Variants in ATG12 observed in about 807,000 individuals in gnomAD.
ATG12 encodes ubiquitin-like protein ATG12.
ATG12 carries 19 observed loss-of-function variants against 17.6 expected under a neutral mutation model. That is an observed-to-expected ratio of 1.08 (90% confidence interval 0.75 to 1.58). The LOEUF (loss-of-function observed/expected upper bound fraction) is 1.58, where lower values mean the gene tolerates loss of function less well. Among genes scored for constraint, ATG12 ranks in the 40% most tolerant of loss-of-function variants. The pLI is 0.00. For missense variants in ATG12, 214 were observed against 162.0 expected (o/e 1.32, Z -1.74); for synonymous variants, 75 against 62.4 (o/e 1.20, Z -0.95).
At chr5:115,841,283 G>T in intron 1 of ATG12, 107 bp downstream of exon 1, 2 of 1,444,572 alleles carry the variant, frequency 1.4e-6, no homozygotes, top group Admixed American at 2.1e-5. Flanking sequence ...TCAAAATGCA[G>T]GTCTAGGACA....
In ATG12 at chr5:115,830,502, G is replaced by A. The variant is rs531654169; in HGVS notation, c.*1302C>T. On this transcript the variant is annotated 3_prime_UTR_variant, in exon 4 of 4. Coordinates refer to ENST00000509910, the MANE Select transcript of ATG12 (RefSeq NM_004707.4). ...TCTACTACATACCATCTTAGATCCT[G>A]TTTTGAAATTCCATTCACATTACAT... 2.0e-5 allele frequency: 3 copies of A among 152,098 alleles called. No individual in the cohort carries two copies. Among genetic ancestry groups the A allele is most frequent in the African/African-American group, 7.2e-5 (3 of 41,472 alleles). The allele number at this position is 152,098 out of a possible 1,614,324, so 9.4% of individuals were successfully genotyped here. A position where few individuals can be genotyped will look rare whatever the true frequency, so the allele number is the denominator to read the frequency against.
intron 2 of ATG12, chr5:115,833,777 TATA>T (rs746242430): frequency 6.6e-6 from 1 of 152,182 alleles, no homozygotes; most frequent in Non-Finnish European, 1.5e-5. Context: ...CAATGTGCAT[TATA>T]ATGTGAATTT....
At chr5:115,835,429 T>C (rs1381046357) in intron 2 of ATG12, among the ~76,000 whole-genome samples, 1 of 152,214 alleles carries the variant, frequency 6.6e-6, no homozygotes, top group African/African-American at 2.4e-5. Flanking sequence ...TTGTTTTTTG[T>C]ATACTATTCA....
intron 1 of ATG12, chr5:115,839,584 A>G (rs1761243541): frequency 6.6e-6 from 1 of 152,200 alleles, no homozygotes; most frequent in Non-Finnish European, 1.5e-5. Flanking sequence ...AAATAATTTA[A>G]TTATAGCTGC....
Position 115,841,467 on chromosome 5 carries a change from GT to G in ATG12, c.85del (p.Thr29GlnfsTer31). On this transcript the variant is annotated frameshift_variant, in exon 1 of 4. Transcript: ENST00000509910. LOFTEE classifies it high-confidence loss of function. ...GEGLTDVSPE[T>X]TTPEPPSSAA... is the part of the protein sequence containing the mutation. ...GGAAGACGGGGGCTCCGGGGTGGTTGTTTCTGGGGAGACATCCGTAAGTCCT... is the reference window on the plus strand; with the variant it reads ...GGAAGACGGGGGCTCCGGGGTGGTTGTTCTGGGGAGACATCCGTAAGTCCT... The G allele has an allele frequency of 6.2e-7, 1 of 1,611,100 alleles. No homozygotes were observed. The highest frequency in any genetic ancestry group is 8.5e-7 in the Non-Finnish European group (1 of 1,179,254).
chr5:115,838,127 AGAT>A (rs1171395124), intron 1 of ATG12: 5 of 173,824 alleles, frequency 2.9e-5, no homozygotes, highest in South Asian at 1.4e-4. Context: ...TTACCAGTGT[AGAT>A]GATACTACTT....
intron 1 of ATG12, among the ~76,000 whole-genome samples, chr5:115,840,090 T>C (rs1761292682): frequency 6.6e-6 from 1 of 152,160 alleles, no homozygotes; most frequent in South Asian, 2.1e-4. Context: ...CTCTTGCCTA[T>C]AGTAAATTGG....
In ATG12 at chr5:115,829,182, T is replaced by C. The variant is rs1760761787; in HGVS notation, c.*2622A>G. ...CGTGGCCTGTAGCTGGCTTCCTTAGTGCCAAAAGTTTACTCAGCATATTAT... is the reference window on the plus strand; with the variant it reads ...CGTGGCCTGTAGCTGGCTTCCTTAGCGCCAAAAGTTTACTCAGCATATTAT... On this transcript the variant is annotated 3_prime_UTR_variant, in exon 4 of 4. Transcript: ENST00000509910. The C allele has an allele frequency of 6.6e-6, 1 of 152,344 alleles. No homozygotes were observed. The highest frequency in any genetic ancestry group is 2.1e-4 in the South Asian group (1 of 4,828). 9.4% of individuals were successfully genotyped at this position (152,344 alleles called of 1,614,324 possible).
At chr5:115,840,641 G>C in intron 1 of ATG12, 6 of 1,251,548 alleles carry the variant, frequency 4.8e-6, no homozygotes, top group Non-Finnish European at 6.2e-6. Flanking sequence ...AAACGTCTAA[G>C]GACGAAATCA....
In ATG12 at chr5:115,841,430, G is replaced by A. The variant is rs761889147; in HGVS notation, c.123C>T (p.Ser41=). 3.1e-6 allele frequency: 5 copies of A among 1,609,808 alleles called. No individual in the cohort carries two copies. The South Asian group carries it at 4.4e-5, about 14-fold the overall frequency. ...TPEPPSSAAV[S]PGTEEPAGDT... ...CGCCAGCAGGTTCCTCTGTTCCCGG[G>A]GAAACTGCAGCGGAAGACGGGGGCT... is the stretch of plus-strand genomic sequence containing the variant. The change falls in exon 1 of 4, where the codon TCC becomes TCT. Residue 41 remains serine, a synonymous_variant. Transcript: ENST00000509910.
chr5:115,839,760 G>A (rs1309178174), intron 1 of ATG12, among the ~76,000 whole-genome samples: 1 of 152,160 alleles, frequency 6.6e-6, no homozygotes, highest in African/African-American at 2.4e-5. Context: ...AAAGGCTGAG[G>A]ATACAAAACA....
At position 115,831,474 on chromosome 5, in the gene ATG12, A is replaced by G. The variant is rs537817403; in HGVS notation, c.*330T>C. ...TAACTTTTACCATGAAAACAATTTC[A>G]GTCATTTTGAGAACTGACAATGAAG... is the stretch of plus-strand genomic sequence containing the variant. On this transcript the variant is annotated 3_prime_UTR_variant, in exon 4 of 4. Coordinates refer to ENST00000509910, the MANE Select transcript of ATG12 (RefSeq NM_004707.4). 2.4e-5 allele frequency: 8 copies of G among 333,020 alleles called. No homozygotes were observed. Among genetic ancestry groups the G allele is most frequent in the African/African-American group, 1.7e-4 (8 of 45,870 alleles). The allele number at this position is 333,020 out of a possible 1,614,324, so 20.6% of individuals were successfully genotyped here. A position where few individuals can be genotyped will look rare whatever the true frequency, so the allele number is the denominator to read the frequency against.
At chr5:115,840,466 T>C in intron 1 of ATG12, 2 of 416,220 alleles carry the variant, frequency 4.8e-6, no homozygotes, top group Non-Finnish European at 7.8e-6. Context: ...CCCATCTAAC[T>C]TTTATATTTT....
At chr5:115,832,378 T>C (rs372865955) in intron 3 of ATG12, among the ~76,000 whole-genome samples, 1 of 152,186 alleles carries the variant, frequency 6.6e-6, no homozygotes, top group Non-Finnish European at 1.5e-5. Flanking sequence ...TCTTCAATCA[T>C]TGTATAATTT....
intron 1 of ATG12, among the ~76,000 whole-genome samples, chr5:115,840,321 G>C (rs1483562830): frequency 6.6e-6 from 1 of 150,572 alleles, no homozygotes; most frequent in African/African-American, 2.4e-5. Flanking sequence ...TTTTGAGGCG[G>C]AGTTTCGCTC....
chr5:115,832,660 A>G lies in ATG12; in HGVS notation c.305T>C (p.Ile102Thr), dbSNP rs764871620. 11 of 1,531,714 alleles carry G rather than the reference A, an allele frequency of 7.2e-6. No individual in the cohort carries two copies. The Admixed American group carries it at 2.5e-4, about 34-fold the overall frequency. The allele number at this position is 1,531,714 out of a possible 1,614,324, so 94.9% of individuals were successfully genotyped here. Residue 102 changes from isoleucine to threonine, a missense_variant, in exon 3 of 4, where the codon ATT becomes ACT. By Grantham distance (89) the Ile-to-Thr change is moderately conservative (BLOSUM62 -1). Transcript: ENST00000509910. ...LKLVASEQLF[I>T]YVNQSFAPSP... ...AGGAGCAAAGGACTGATTCACATAA[A>G]TAAACTACAAGAAAGGAAGGAAAAA...
In ATG12 at chr5:115,832,776, C is replaced by T. The variant is rs185391144; in HGVS notation, c.301-112G>A. The stretch of plus-strand genomic sequence containing the variant: ...GTATTGTTTTCACAATTGAAGAAAG[C>T]TTCTCTGAACTCCTAACTTTTCTAA... On this transcript the variant is annotated intron_variant, in intron 2 of 3. Coordinates refer to ENST00000509910, the MANE Select transcript of ATG12 (RefSeq NM_004707.4). 4.0e-6 allele frequency: 4 copies of T among 1,005,386 alleles called. No homozygotes were observed. The East Asian group carries it at 8.6e-5, about 22-fold the overall frequency. The allele number at this position is 1,005,386 out of a possible 1,614,324, so 62.3% of individuals were successfully genotyped here.
intron 2 of ATG12, chr5:115,833,722 C>T (rs1760980397): frequency 6.6e-6 from 1 of 152,144 alleles, no homozygotes; most frequent in South Asian, 2.1e-4. Context: ...GTGGTTATGG[C>T]TGAGTAGAGT....
At chr5:115,832,910 G>T in intron 2 of ATG12, 1 of 352,214 alleles carries the variant, frequency 2.8e-6, no homozygotes, top group Non-Finnish European at 5.1e-6. Context: ...GTATAACTAA[G>T]AAACTTTTAA....
Sources: allele counts gnomAD v4.1 joint callset (sites outside exome capture counted in the v4.1 genomes callset), GRCh38; gene constraint gnomAD v4.1.1; transcripts MANE v1.5; gene names NCBI Gene and HGNC (gene_info 2026-07-23, HGNC 2026-07-21).